The following TPRG1 variants were observed in gnomAD, a reference collection of about 807,000 sequenced individuals.
The protein encoded by TPRG1 is tumor protein p63-regulated gene 1 protein.
In TPRG1, 29 loss-of-function variants were observed where a neutral mutation model predicts 29.3. The ratio of observed to expected loss-of-function variants is 0.99; its 90% CI spans 0.74 to 1.35. The LOEUF (loss-of-function observed/expected upper bound fraction) is 1.35, where lower values mean the gene tolerates loss of function less well. Ranked by LOEUF, TPRG1 falls within the 40% of genes most tolerant of loss-of-function variation. The probability of loss-of-function intolerance (pLI) is 0.00; values close to 1 mark genes in which losing one functional copy is unlikely to be tolerated. For synonymous variants in TPRG1, 130 were observed against 116.8 expected (o/e 1.11, Z -0.73); for missense variants, 327 against 335.0 (o/e 0.98, Z 0.19).
chr3:189,191,095 C>A, intron 1 of TPRG1: 1 of 390,484 alleles, frequency 2.6e-6, no homozygotes. Flanking sequence ...TGTATTCTTA[C>A]TTTCAAATAT....
At chr3:189,079,032 C>G (rs1717409817) in intron 4 of TPRG1, among the ~76,000 whole-genome samples, 3 of 152,126 alleles carry the variant, frequency 2.0e-5, no homozygotes, top group African/African-American at 7.2e-5. Context: ...GTATAAGAAG[C>G]ATAGTGCTCA....
chr3:189,001,575 C>T (rs1053746947), intron 2 of TPRG1, among the ~76,000 whole-genome samples: 12 of 152,158 alleles, frequency 7.9e-5, no homozygotes, highest in African/African-American at 2.9e-4. Context: ...TCATGATCTA[C>T]TTACCTCCCC....
intron 4 of TPRG1, among the ~76,000 whole-genome samples, chr3:189,027,659 A>G (rs549296568): frequency 6.6e-6 from 1 of 152,118 alleles, no homozygotes; most frequent in Admixed American, 6.5e-5. Flanking sequence ...TGCTTGGTGG[A>G]TGGTATTTGG....
chr3:189,021,753 T>C (rs1218268248), intron 3 of TPRG1, among the ~76,000 whole-genome samples: 1 of 152,140 alleles, frequency 6.6e-6, no homozygotes, highest in Non-Finnish European at 1.5e-5. Context: ...GCGTTCTCTG[T>C]ATTTCCTGAA....
chr3:189,217,894 A>G (rs1283820199), intron 3 of TPRG1: 3 of 985,340 alleles, frequency 3.0e-6, no homozygotes, highest in Non-Finnish European at 3.6e-6. Context: ...AGGCAGGGAA[A>G]GGCAAAAACA....
intron 4 of TPRG1, among the ~76,000 whole-genome samples, chr3:189,053,536 A>G (rs1202728389): frequency 6.6e-6 from 1 of 152,084 alleles, no homozygotes. Flanking sequence ...TGCCTAAGTG[A>G]CCTTCCACTT....
Position 189,065,183 on chromosome 3 carries a change from AAAG to A in TPRG1, c.-463+41241_-463+41243del, listed in dbSNP as rs1716357193. Reference sequence around the variant, plus strand: ...CAGAGCTAGACTGTCTCTTAAAAAAAAAGAAGTAAAAAAATACCATTTTGAGAC... The same window carrying A: ...CAGAGCTAGACTGTCTCTTAAAAAAAAAGTAAAAAAATACCATTTTGAGAC... On this transcript the variant is annotated intron_variant, in intron 4 of 10. Coordinates refer to the TPRG1 transcript ENST00000433971. 3.3e-5 allele frequency among the ~76,000 whole-genome samples: 5 copies of A among 152,310 alleles called. No homozygotes were observed. The South Asian group carries it at 1.0e-3, about 32-fold the overall frequency.
chr3:189,115,619 C>A (rs1578404714), intron 1 of TPRG1, among the ~76,000 whole-genome samples: 1 of 152,160 alleles, frequency 6.6e-6, no homozygotes, highest in Admixed American at 6.6e-5. Flanking sequence ...GGATTGTAGG[C>A]CTGGGCTTTA....
intron 4 of TPRG1, among the ~76,000 whole-genome samples, chr3:189,025,323 G>A: frequency 6.6e-6 from 1 of 152,214 alleles, no homozygotes; most frequent in African/African-American, 2.4e-5. Context: ...TTGGCTTGGG[G>A]TGGGGGTTCC....
chr3:189,206,066 TTTTC>T (rs199517992), intron 1 of TPRG1, among the ~76,000 whole-genome samples: 3 of 142,156 alleles, frequency 2.1e-5, no homozygotes, highest in African/African-American at 7.8e-5. Flanking sequence ...TTTCTTTCTT[TTTTC>T]TTTCTTTCTT....
chr3:189,204,919 T>A (rs1734074360), intron 1 of TPRG1, among the ~76,000 whole-genome samples: 1 of 148,190 alleles, frequency 6.7e-6, no homozygotes, highest in African/African-American at 2.5e-5. Flanking sequence ...TCTTTCTCTG[T>A]CTCTGTCTCT....
chr3:189,214,976 TC>T (rs879363910), intron 2 of TPRG1, among the ~76,000 whole-genome samples: 4,033 of 148,086 alleles, frequency 0.027, 154 homozygotes, highest in South Asian at 0.059. Flanking sequence ...ATGTACAGAT[TC>T]CTAAAGGCTT....
intron 4 of TPRG1, among the ~76,000 whole-genome samples, chr3:189,282,135 C>T (rs1388800562): frequency 7.7e-6 from 1 of 129,532 alleles, no homozygotes; most frequent in Non-Finnish European, 1.5e-5. Flanking sequence ...CCCGCCTTGG[C>T]TGAGGTTTTT....
intron 4 of TPRG1, among the ~76,000 whole-genome samples, chr3:189,040,629 C>T (rs1017148065): frequency 1.3e-5 from 2 of 152,146 alleles, no homozygotes; most frequent in Non-Finnish European, 2.9e-5. Flanking sequence ...GATACTGGTG[C>T]TACTTCTGCT....
At chr3:189,299,506 T>A (rs1055796956) in intron 4 of TPRG1, among the ~76,000 whole-genome samples, 2 of 152,144 alleles carry the variant, frequency 1.3e-5, no homozygotes, top group Admixed American at 6.5e-5. Context: ...AGGAAACACT[T>A]TAAAATCTCA....
chr3:189,121,430 CT>C (rs1251986279), intron 1 of TPRG1: 2 of 152,162 alleles, frequency 1.3e-5, no homozygotes, highest in Non-Finnish European at 2.9e-5. Flanking sequence ...CCCTCCTTCT[CT>C]TTTTTATGTT....
At chr3:189,019,398 T>C (rs1177409189) in intron 3 of TPRG1, among the ~76,000 whole-genome samples, 2 of 152,218 alleles carry the variant, frequency 1.3e-5, no homozygotes, top group African/African-American at 4.8e-5. Context: ...TATTTTGAAA[T>C]ACGTCCCATC....
intron 4 of TPRG1, among the ~76,000 whole-genome samples, chr3:189,268,624 T>G (rs965849795): frequency 6.6e-6 from 1 of 152,230 alleles, no homozygotes; most frequent in African/African-American, 2.4e-5. Flanking sequence ...GCACCCACTT[T>G]GAGGTTCTAT....
At chr3:189,105,484 CA>C (rs1019070731) in intron 1 of TPRG1, among the ~76,000 whole-genome samples, 19 of 152,040 alleles carry the variant, frequency 1.2e-4, no homozygotes, top group African/African-American at 4.6e-4. Flanking sequence ...GCTAACTTAC[CA>C]TAATGAGCCT....
Sources: gnomAD v4.1 joint callset for allele counts (sites outside exome capture counted in the v4.1 genomes callset) on GRCh38, gnomAD v4.1.1 for gene constraint, MANE v1.5 for transcripts, NCBI Gene and HGNC (gene_info 2026-07-23, HGNC 2026-07-21) for gene names.